C2CD3: variants seen among roughly 807,000 people sequenced by gnomAD.
The protein encoded by C2CD3 is C2 domain containing 3 centriole elongation regulator.
Under a neutral mutation model 234.0 loss-of-function variants are expected in C2CD3, and 148 were observed. The ratio of observed to expected loss-of-function variants is 0.63; its 90% CI spans 0.55 to 0.72. C2CD3 has a LOEUF of 0.72. C2CD3 is among the 30% of genes least tolerant of loss of function. The pLI is 0.00. For missense variants in C2CD3, 2,577 were observed against 2,811.5 expected (o/e 0.92, Z 1.89); for synonymous variants, 1,000 against 1,035.4 (o/e 0.97, Z 0.66).
At chr11:74,086,267 G>C (rs1244265497) in intron 20 of C2CD3, among the ~76,000 whole-genome samples, 1 of 152,226 alleles carries the variant, frequency 6.6e-6, no homozygotes, top group Non-Finnish European at 1.5e-5. Flanking sequence ...GTATCAGAAA[G>C]GGCTTATCAG....
chr11:74,159,767 C>T (rs1000516965), intron 3 of C2CD3, among the ~76,000 whole-genome samples: 2 of 151,798 alleles, frequency 1.3e-5, no homozygotes, highest in African/African-American at 4.8e-5. Flanking sequence ...TCTAAGTGTA[C>T]AGTGTTTATA....
At position 74,037,591 on chromosome 11, in the gene C2CD3, T is replaced by C. The variant is rs1174665400; in HGVS notation, c.5768A>G (p.Gln1923Arg). ...CCCAAGATGGTCCCTACAGCTCTCC[T>C]GGTGCTGTGAGATGGCCGTTTGAGT... Reference protein sequence around the residue: ...PQTQTAISQHQESCRDHLGPG... With the variant: ...PQTQTAISQHRESCRDHLGPG... Residue 1923 changes from glutamine to arginine, a missense_variant, in exon 30 of 33, where the codon CAG becomes CGG. Transcript: ENST00000334126. 1.4e-5 allele frequency: 23 copies of C among 1,613,868 alleles called. No homozygotes were observed. The East Asian group carries it at 4.9e-4, about 34-fold the overall frequency.
chr11:74,057,115 C>A (rs1437383737), intron 25 of C2CD3, among the ~76,000 whole-genome samples: 3 of 152,072 alleles, frequency 2.0e-5, no homozygotes, highest in Non-Finnish European at 2.9e-5. Context: ...ATGAACTCCT[C>A]AATTGCATGG....
In C2CD3 at chr11:74,168,559, A is replaced by C. The variant is rs1191746353; in HGVS notation, c.110T>G (p.Leu37Arg). 1.9e-6 allele frequency: 3 copies of C among 1,614,194 alleles called. No individual in the cohort carries two copies. In the East Asian group the frequency reaches 6.7e-5, roughly 36 times the overall value. Residue 37 changes from leucine (L) to arginine (R), a missense_variant, in exon 2 of 33, where the codon CTA (leucine) becomes CGA (arginine). Leu to Arg is a moderately radical substitution (Grantham distance 102). Transcript: ENST00000334126. ...AACAGTAAGTTTTAGAAAACAGCGT[A>C]GCTGGCCTTCAACCAGAGGTGGCAG... ...TSLPPLVEGQ[L>R]RCFLKLTVNR...
intron 7 of C2CD3, among the ~76,000 whole-genome samples, chr11:74,124,565 G>A (rs575422523): frequency 6.6e-6 from 1 of 152,076 alleles, no homozygotes; most frequent in Admixed American, 6.6e-5. Context: ...TGGGGTTGGG[G>A]TGGGGAAAAA....
intron 3 of C2CD3, among the ~76,000 whole-genome samples, chr11:74,153,800 C>G (rs1855835563): frequency 6.6e-6 from 1 of 152,008 alleles, no homozygotes; most frequent in African/African-American, 2.4e-5. Context: ...AATAAAGCTG[C>G]AGTAATACAG....
intron 1 of C2CD3, 150 bp downstream of exon 1, chr11:74,170,588 A>G (rs1347866454): frequency 2.3e-6 from 2 of 862,330 alleles, no homozygotes; most frequent in Non-Finnish European, 3.6e-6. Flanking sequence ...TGGAGGGCCA[A>G]TTGCCCTTCC....
At chr11:74,077,495 G>A (rs1955086974) in intron 23 of C2CD3, among the ~76,000 whole-genome samples, 1 of 151,796 alleles carries the variant, frequency 6.6e-6, no homozygotes. Context: ...GGACATGGAT[G>A]AAGCCTGGAA....
rs753110327 is a variant in C2CD3, at chr11:74,168,366, T to C, written c.303A>G (p.Lys101=). ...TACCTGTTAGATAAGAGGTAAACTGTTTTGGACCACAACGAATAGCGTAAC... is the reference window on the plus strand; with the variant it reads ...TACCTGTTAGATAAGAGGTAAACTGCTTTGGACCACAACGAATAGCGTAAC... The part of the protein sequence containing the change: ...TTRYAIRCGP[K]QFTSYLTDMA... Residue 101 remains lysine, a synonymous_variant, in exon 2 of 33, where the codon AAA becomes AAG. Transcript: ENST00000334126. 6.2e-7 allele frequency: 1 copy of C among 1,613,936 alleles called. No homozygotes were observed. Among genetic ancestry groups the C allele is most frequent in the East Asian group, 2.2e-5 (1 of 44,890 alleles).
chr11:74,132,757 T>C, intron 7 of C2CD3, 87 bp downstream of exon 7: 2 of 1,311,808 alleles, frequency 1.5e-6, no homozygotes, highest in Non-Finnish European at 2.1e-6. Flanking sequence ...AAGGACATGT[T>C]ACTTTAGGAA....
At chr11:74,150,524 A>AAAAAAAC in intron 3 of C2CD3, among the ~76,000 whole-genome samples, 1 of 59,762 alleles carries the variant, frequency 1.7e-5, no homozygotes, top group Non-Finnish European at 3.3e-5. Flanking sequence ...AACAAAAAAA[A>AAAAAAAC]AACAAAACAA....
At chr11:74,022,103 G>A (rs1309625136) in intron 32 of C2CD3, among the ~76,000 whole-genome samples, 1 of 152,068 alleles carries the variant, frequency 6.6e-6, no homozygotes, top group Non-Finnish European at 1.5e-5. Flanking sequence ...TCCGACCTGG[G>A]CAAGAGTGAG....
At chr11:74,154,868 C>G (rs1041656046) in intron 3 of C2CD3, among the ~76,000 whole-genome samples, 1 of 152,150 alleles carries the variant, frequency 6.6e-6, no homozygotes, top group African/African-American at 2.4e-5. Context: ...TCAGGAAATA[C>G]AAATGAAAAT....
rs1952808152 is a variant in C2CD3 at position 74,037,687 on chromosome 11, C to T, written c.5672G>A (p.Ser1891Asn). The T allele has an allele frequency of 1.2e-6, 2 of 1,612,776 alleles. No individual in the cohort carries two copies. The highest frequency in any genetic ancestry group is 1.3e-5 in the African/African-American group (1 of 74,868). The change falls in exon 30 of 33, where the codon AGT becomes AAT. Residue 1891 changes from serine (S) to asparagine (N), a missense_variant. Transcript: ENST00000334126. ...GTACCTCTGAATCTGATCAAGCTCA[C>T]TCAGATTCTTCCTATAAACAAAAGG... ...SILTSLRKNL[S>N]ELDQIQRYFR...
At chr11:74,124,241 C>T (rs988176197) in intron 7 of C2CD3, among the ~76,000 whole-genome samples, 2 of 152,074 alleles carry the variant, frequency 1.3e-5, no homozygotes, top group Non-Finnish European at 2.9e-5. Flanking sequence ...TTCCATGTTG[C>T]TTCCTTTCAA....
intron 30 of C2CD3, 89 bp from the exon 31 acceptor site, chr11:74,034,367 A>G: frequency 6.8e-7 from 1 of 1,479,040 alleles, no homozygotes; most frequent in Non-Finnish European, 9.0e-7. Flanking sequence ...CAGAAGCACT[A>G]TGGCAATCAG....
intron 32 of C2CD3, among the ~76,000 whole-genome samples, chr11:74,018,221 T>C (rs1429743528): frequency 6.6e-6 from 1 of 152,160 alleles, no homozygotes; most frequent in Admixed American, 6.5e-5. Flanking sequence ...GAGGCTAAGA[T>C]GGAGCTAGAG....
rs1411365168 is a variant in C2CD3 at position 74,074,279 on chromosome 11, T to C, written c.4925A>G (p.Glu1642Gly). The change falls in exon 24 of 33, where the codon GAA (glutamate) becomes GGA (glycine). Residue 1642 changes from glutamate (E) to glycine (G), a missense_variant. Coordinates refer to ENST00000334126, the MANE Select transcript of C2CD3 (RefSeq NM_001286577.2). ...TTTCAAGCTCAAGTGCATTGCTCTTTCTACTAGGATGCTGACTGCAAACGT... is the reference window on the plus strand; with the variant it reads ...TTTCAAGCTCAAGTGCATTGCTCTTCCTACTAGGATGCTGACTGCAAACGT... ...DGTFAVSILV[E>G]RAMHLSLKGS... 6.2e-7 allele frequency: 1 copy of C among 1,613,890 alleles called. No homozygotes were observed. The highest frequency in any genetic ancestry group is 8.5e-7 in the Non-Finnish European group (1 of 1,179,912).
intron 13 of C2CD3, among the ~76,000 whole-genome samples, chr11:74,103,879 A>G (rs1383947332): frequency 1.3e-5 from 2 of 152,258 alleles, no homozygotes; most frequent in Non-Finnish European, 2.9e-5. Context: ...GTTCCCAGAA[A>G]AGAATGGAGC....
Sources: gnomAD v4.1 joint callset for allele counts (sites outside exome capture counted in the v4.1 genomes callset) on GRCh38, gnomAD v4.1.1 for gene constraint, MANE v1.5 for transcripts, NCBI Gene and HGNC (gene_info 2026-07-23, HGNC 2026-07-21) for gene names.